Variants in CSMD1 observed in about 807,000 individuals in gnomAD.
CSMD1 encodes CUB and sushi domain-containing protein 1.
Under a neutral mutation model 417.5 loss-of-function variants are expected in CSMD1, and 213 were observed. The observed-to-expected ratio is 0.51, with a 90% CI of 0.46 to 0.57. The LOEUF (loss-of-function observed/expected upper bound fraction) is 0.57, where lower values mean the gene tolerates loss of function less well. CSMD1 is among the 20% of genes least tolerant of loss of function. The probability of loss-of-function intolerance (pLI) is 0.00; values close to 1 mark genes in which losing one functional copy is unlikely to be tolerated. For missense variants in CSMD1, 6,923 were observed against 4,529.7 expected, an observed-to-expected ratio of 1.53 and a Z score of -15.17; for synonymous variants, 2,862 against 1,736.8, an observed-to-expected ratio of 1.65 and a Z score of -16.11.
intron 3 of CSMD1, among the ~76,000 whole-genome samples, chr8:4,217,297 G>A (rs758431977): frequency 6.6e-6 from 1 of 152,206 alleles, no homozygotes; most frequent in Non-Finnish European, 1.5e-5. Flanking sequence ...AAGTGTCCAT[G>A]CAAGCACTGT....
At chr8:3,140,812 T>C (rs1026934411) in intron 41 of CSMD1, among the ~76,000 whole-genome samples, 4 of 152,240 alleles carry the variant, frequency 2.6e-5, no homozygotes, top group East Asian at 1.9e-4. Context: ...ACAAATTATT[T>C]TGCATGAAAT....
intron 5 of CSMD1, among the ~76,000 whole-genome samples, chr8:3,791,387 A>C (rs1034548755): frequency 1.2e-4 from 18 of 152,224 alleles, no homozygotes; most frequent in African/African-American, 4.3e-4. Context: ...AAATCTTTCA[A>C]AGCTCTTTGA....
chr8:4,073,824 T>G (rs1033420832), intron 3 of CSMD1, among the ~76,000 whole-genome samples: 2 of 152,084 alleles, frequency 1.3e-5, no homozygotes, highest in African/African-American at 2.4e-5. Context: ...TGGTTGAAAA[T>G]TGCTTTGTTA....
chr8:3,350,719 C>A (rs1447472349), intron 21 of CSMD1, among the ~76,000 whole-genome samples: 1 of 152,018 alleles, frequency 6.6e-6, no homozygotes, highest in African/African-American at 2.4e-5. Context: ...GCTATATAAT[C>A]ATTTCTCATA....
rs193135839 is a variant in CSMD1 at position 4,883,660 on chromosome 8, T to A, written c.85+110672A>T. On this transcript the variant is annotated intron_variant, in intron 1 of 69. Transcript: ENST00000635120. ...TATTGTAGCATGTATTAGTACTTTATGCTTTTTATTGCGGAATAATAACCA... is the reference window on the plus strand; with the variant it reads ...TATTGTAGCATGTATTAGTACTTTAAGCTTTTTATTGCGGAATAATAACCA... Among the ~76,000 whole-genome samples, 17 of 152,284 alleles carry A rather than the reference T, an allele frequency of 1.1e-4. No homozygotes were observed. The East Asian group carries it at 3.1e-3, about 28-fold the overall frequency.
intron 3 of CSMD1, among the ~76,000 whole-genome samples, chr8:4,328,414 A>C (rs1252184476): frequency 6.6e-6 from 1 of 152,020 alleles, no homozygotes; most frequent in Non-Finnish European, 1.5e-5. Context: ...ACTTTTGAGT[A>C]GTTTTAATTT....
chr8:3,058,600 T>C (rs753951958), intron 49 of CSMD1, among the ~76,000 whole-genome samples: 1 of 152,190 alleles, frequency 6.6e-6, no homozygotes, highest in African/African-American at 2.4e-5. Flanking sequence ...AGAAAGAATG[T>C]TTGTGCCACA....
At chr8:4,590,288 C>A (rs1157026130) in intron 2 of CSMD1, among the ~76,000 whole-genome samples, 1 of 151,862 alleles carries the variant, frequency 6.6e-6, no homozygotes, top group African/African-American at 2.4e-5. Context: ...CAGAAAAGTT[C>A]TGGGAAGCAG....
At chr8:4,685,615 C>T (rs963007194) in intron 1 of CSMD1, among the ~76,000 whole-genome samples, 9 of 151,222 alleles carry the variant, frequency 6.0e-5, no homozygotes, top group Admixed American at 2.0e-4. Flanking sequence ...GAAAGAAAAA[C>T]GTAAGCACAC....
At chr8:4,006,469 G>C (rs1283911668) in intron 4 of CSMD1, among the ~76,000 whole-genome samples, 2 of 152,132 alleles carry the variant, frequency 1.3e-5, no homozygotes, top group East Asian at 3.9e-4. Flanking sequence ...GCTTGAACTT[G>C]GGAGGCAGAG....
chr8:3,992,974 C>T (rs557041303), intron 5 of CSMD1, among the ~76,000 whole-genome samples: 14 of 152,314 alleles, frequency 9.2e-5, no homozygotes, highest in East Asian at 1.9e-4. Context: ...AAGATGGAAA[C>T]GGCCACAGTT....
chr8:4,401,490 AC>A (rs1309131124), intron 3 of CSMD1, among the ~76,000 whole-genome samples: 8 of 152,030 alleles, frequency 5.3e-5, no homozygotes, highest in African/African-American at 1.9e-4. Flanking sequence ...CCATCCCCTC[AC>A]CCAGAGAGGA....
chr8:4,969,483 C>G (rs1023922428), intron 1 of CSMD1, among the ~76,000 whole-genome samples: 1 of 151,552 alleles, frequency 6.6e-6, no homozygotes, highest in East Asian at 2.0e-4. Context: ...CATTCTCTCT[C>G]TCTCTTTCTG....
chr8:3,772,103 T>C (rs1021107611), intron 5 of CSMD1, among the ~76,000 whole-genome samples: 7 of 150,634 alleles, frequency 4.6e-5, no homozygotes, highest in Non-Finnish European at 8.8e-5. Flanking sequence ...AGGGTGATTT[T>C]GTGTGAGTGC....
chr8:4,434,005 T>A (rs1798013039), intron 2 of CSMD1, among the ~76,000 whole-genome samples: 1 of 152,150 alleles, frequency 6.6e-6, no homozygotes, highest in Non-Finnish European at 1.5e-5. Flanking sequence ...GATTAACAGC[T>A]TCAATTCTTT....
chr8:3,040,391 T>TATATATATATATATATATAACAGAA (rs1811005152), intron 50 of CSMD1, among the ~76,000 whole-genome samples: 1 of 70,794 alleles, frequency 1.4e-5, no homozygotes, highest in Non-Finnish European at 2.8e-5. Context: ...CATTGAAATA[T>TATATATATATATATATATAACAGAA]ATATATATAT....
chr8:3,909,098 G>C (rs1316879517), intron 5 of CSMD1, among the ~76,000 whole-genome samples: 1 of 152,164 alleles, frequency 6.6e-6, no homozygotes, highest in African/African-American at 2.4e-5. Flanking sequence ...AAGTCCACTG[G>C]GCTGGAGACA....
intron 10 of CSMD1, among the ~76,000 whole-genome samples, chr8:3,562,588 T>G (rs1163864817): frequency 6.6e-6 from 1 of 152,182 alleles, no homozygotes; most frequent in African/African-American, 2.4e-5. Context: ...GCTTATTTTT[T>G]TAACTCAGTA....
intron 3 of CSMD1, among the ~76,000 whole-genome samples, chr8:4,336,671 A>G (rs1055502485): frequency 6.6e-6 from 1 of 152,126 alleles, no homozygotes; most frequent in African/African-American, 2.4e-5. Context: ...CACATCTGTG[A>G]CATAGTCCTT....
Sources: gnomAD v4.1 joint callset for allele counts (sites outside exome capture counted in the v4.1 genomes callset) on GRCh38, gnomAD v4.1.1 for gene constraint, MANE v1.5 for transcripts, NCBI Gene and HGNC (gene_info 2026-07-23, HGNC 2026-07-21) for gene names.